The following MAGI2 variants were observed in gnomAD, a reference collection of about 807,000 sequenced individuals.
The protein encoded by MAGI2 is membrane-associated guanylate kinase, WW and PDZ domain-containing protein 2.
Under a neutral mutation model 133.3 loss-of-function variants are expected in MAGI2, and 35 were observed. That is an observed-to-expected ratio of 0.26 (90% CI 0.20 to 0.35). The LOEUF (loss-of-function observed/expected upper bound fraction) is 0.35, where lower values mean the gene tolerates loss of function less well. Ranked by LOEUF, MAGI2 falls within the 10% of genes least tolerant of loss-of-function variation. The probability of loss-of-function intolerance (pLI) is 1.00; values close to 1 mark genes in which losing one functional copy is unlikely to be tolerated. For synonymous variants in MAGI2, 729 were observed against 710.6 expected, an observed-to-expected ratio of 1.03 and a Z score of -0.41; for missense variants, 1,636 against 1,863.4, an observed-to-expected ratio of 0.88 and a Z score of 2.25.
At chr7:78,230,491 A>G (rs965168405) in intron 10 of MAGI2, among the ~76,000 whole-genome samples, 3 of 152,086 alleles carry the variant, frequency 2.0e-5, no homozygotes, top group Admixed American at 6.5e-5. Flanking sequence ...ATTTTTTTTT[A>G]GAGAATAACT....
chr7:79,319,904 A>G lies in MAGI2; in HGVS notation c.301+133116T>C, dbSNP rs151208781. Among the ~76,000 whole-genome samples the G allele has an allele frequency of 1.2e-4, 19 of 152,188 alleles. No individual in the cohort carries two copies. The East Asian group carries it at 1.7e-3, about 14-fold the overall frequency. On this transcript the variant is annotated intron_variant, in intron 1 of 21. Coordinates refer to ENST00000354212, the MANE Select transcript of MAGI2 (RefSeq NM_012301.4). ...AATCATAATGTTTTCATCACCTAAAATTTAGTCTCAAGTGTTATTTGTTAG... is the reference window on the plus strand; with the variant it reads ...AATCATAATGTTTTCATCACCTAAAGTTTAGTCTCAAGTGTTATTTGTTAG...
chr7:78,607,043 T>A (rs1269567973), intron 3 of MAGI2, among the ~76,000 whole-genome samples: 1 of 152,190 alleles, frequency 6.6e-6, no homozygotes, highest in Non-Finnish European at 1.5e-5. Context: ...CAAACTCCAT[T>A]GCTTTTTAAA....
intron 2 of MAGI2, among the ~76,000 whole-genome samples, chr7:78,892,830 A>G (rs1796880383): frequency 6.6e-6 from 1 of 152,132 alleles, no homozygotes. Context: ...CAAGGACTTC[A>G]TGTCTAAAAC....
Position 78,546,353 on chromosome 7 carries a change from G to A in MAGI2, c.539-24708C>T, listed in dbSNP as rs934593389. Among the ~76,000 whole-genome samples, 7 of 151,914 alleles carry A rather than the reference G, an allele frequency of 4.6e-5. No individual in the cohort carries two copies. In the East Asian group the frequency reaches 9.7e-4, roughly 21 times the overall value. ...GCAGCACAATATTTGCTATAAGATC[G>A]TTAGGTAGCATACCAGATTTAAACA... On this transcript the variant is annotated intron_variant, in intron 3 of 21. Transcript: ENST00000354212.
intron 2 of MAGI2, among the ~76,000 whole-genome samples, chr7:78,913,954 C>T (rs1188769403): frequency 6.6e-6 from 1 of 152,114 alleles, no homozygotes; most frequent in African/African-American, 2.4e-5. Flanking sequence ...AGGGAGAAGC[C>T]TGCTACATGT....
intron 2 of MAGI2, among the ~76,000 whole-genome samples, chr7:78,681,629 T>C (rs1815672585): frequency 6.6e-6 from 1 of 152,098 alleles, no homozygotes; most frequent in Non-Finnish European, 1.5e-5. Context: ...TGCCATATAC[T>C]TGTAGATATT....
intron 2 of MAGI2, among the ~76,000 whole-genome samples, chr7:78,905,569 G>T (rs573301406): frequency 4.6e-5 from 7 of 152,268 alleles, no homozygotes; most frequent in African/African-American, 1.7e-4. Context: ...CACACATGTT[G>T]TTTCTTCTGC....
chr7:79,181,192 C>G (rs1185711544), intron 1 of MAGI2, among the ~76,000 whole-genome samples: 1 of 151,990 alleles, frequency 6.6e-6, no homozygotes, highest in Non-Finnish European at 1.5e-5. Context: ...AGTAGAGACT[C>G]TGTGTGGGGG....
At chr7:78,686,146 C>CAT (rs1298473027) in intron 2 of MAGI2, among the ~76,000 whole-genome samples, 5 of 151,206 alleles carry the variant, frequency 3.3e-5, no homozygotes, top group Non-Finnish European at 7.4e-5. Context: ...AAAATGAGCC[C>CAT]ATAGGGGAAA....
chr7:79,208,160 G>C (rs1410431100), intron 1 of MAGI2, among the ~76,000 whole-genome samples: 1 of 151,704 alleles, frequency 6.6e-6, no homozygotes, highest in Non-Finnish European at 1.5e-5. Flanking sequence ...CAAAACACAG[G>C]CAACAAAGCA....
At chr7:78,363,410 G>A (rs1444284816) in intron 7 of MAGI2, among the ~76,000 whole-genome samples, 2 of 151,996 alleles carry the variant, frequency 1.3e-5, no homozygotes, top group African/African-American at 4.8e-5. Flanking sequence ...GGAGAATGGC[G>A]CGAACCCGGG....
intron 1 of MAGI2, among the ~76,000 whole-genome samples, chr7:79,129,624 G>C (rs1820732140): frequency 6.6e-6 from 1 of 152,138 alleles, no homozygotes; most frequent in Non-Finnish European, 1.5e-5. Context: ...CAATTATAAT[G>C]ATAGCCATTT....
rs202078169 is a variant in MAGI2 at position 78,314,067 on chromosome 7, A to AT, written c.1408+29710dup. Reference sequence around the variant, plus strand: ...TAATCAAACATAACGTTTCTGTACGATTTATCATGGAGCCAAAGGATTGGT... The same window carrying AT: ...TAATCAAACATAACGTTTCTGTACGATTTTATCATGGAGCCAAAGGATTGGT... On this transcript the variant is annotated intron_variant, in intron 9 of 21. Coordinates refer to ENST00000354212, the MANE Select transcript of MAGI2 (RefSeq NM_012301.4). 4.9e-3 allele frequency among the ~76,000 whole-genome samples: 739 copies of AT among 152,244 alleles called. 7 individuals carry two copies. Among genetic ancestry groups the AT allele is most frequent in the African/African-American group, 0.016 (664 of 41,562 alleles).
chr7:79,065,210 T>G lies in MAGI2; in HGVS notation c.302-58004A>C, dbSNP rs111698550. On this transcript the variant is annotated intron_variant, in intron 1 of 21. Transcript: ENST00000354212. The stretch of plus-strand genomic sequence containing the variant: ...AACTATGCTTAGGTATCCATTCCAT[T>G]ATACAGTTGTTTTATGATCTCTACA... Among the ~76,000 whole-genome samples the G allele has an allele frequency of 6.0e-3, 916 of 152,248 alleles. 12 individuals are homozygous for G. The highest frequency in any genetic ancestry group is 0.02 in the African/African-American group (844 of 41,566).
chr7:78,293,826 A>G (rs559843420), intron 9 of MAGI2, among the ~76,000 whole-genome samples: 2 of 152,190 alleles, frequency 1.3e-5, no homozygotes, highest in Non-Finnish European at 2.9e-5. Context: ...TGAGCAAACT[A>G]TTGCAAGGAC....
rs567841932 is a variant in MAGI2, at chr7:78,904,702, C to A, written c.418+102388G>T. Among the ~76,000 whole-genome samples, 28 of 152,162 alleles carry A rather than the reference C, an allele frequency of 1.8e-4. No homozygotes were observed. The East Asian group carries it at 3.5e-3, about 19-fold the overall frequency. Reference sequence around the variant, plus strand: ...ATTTTTAGTCGAGACCGGGTTCCACCATGTTGGCTAAGCTGGTCTTGAACT... The same window carrying A: ...ATTTTTAGTCGAGACCGGGTTCCACAATGTTGGCTAAGCTGGTCTTGAACT... On this transcript the variant is annotated intron_variant, in intron 2 of 21. Coordinates refer to ENST00000354212, the MANE Select transcript of MAGI2 (RefSeq NM_012301.4).
chr7:79,067,229 C>G (rs1329335880), intron 1 of MAGI2, among the ~76,000 whole-genome samples: 1 of 152,142 alleles, frequency 6.6e-6, no homozygotes, highest in East Asian at 1.9e-4. Context: ...ATTGATTCTT[C>G]CTATCCATGA....
chr7:78,347,012 T>G lies in MAGI2; in HGVS notation c.1104-969A>C, dbSNP rs574216431. On this transcript the variant is annotated intron_variant, in intron 7 of 21. Coordinates refer to ENST00000354212, the MANE Select transcript of MAGI2 (RefSeq NM_012301.4). Reference sequence around the variant, plus strand: ...ACAACCCAGACTTGCATTCCAATTATTCACCTTTTAAAGGCAATGAGACTG... The same window carrying G: ...ACAACCCAGACTTGCATTCCAATTAGTCACCTTTTAAAGGCAATGAGACTG... 4.6e-5 allele frequency: 7 copies of G among 152,338 alleles called. No homozygotes were observed. The East Asian group carries it at 1.4e-3, about 29-fold the overall frequency. The allele number at this position is 152,338 out of a possible 1,614,324, so 9.4% of individuals were successfully genotyped here.
intron 2 of MAGI2, among the ~76,000 whole-genome samples, chr7:78,779,649 T>A (rs1166362489): frequency 2.0e-5 from 3 of 152,218 alleles, no homozygotes; most frequent in Non-Finnish European, 4.4e-5. Context: ...AACACAGATA[T>A]TGAACTTTTT....
Sources: gnomAD v4.1 joint callset for allele counts (sites outside exome capture counted in the v4.1 genomes callset) on GRCh38, gnomAD v4.1.1 for gene constraint, MANE v1.5 for transcripts, NCBI Gene and HGNC (gene_info 2026-07-23, HGNC 2026-07-21) for gene names.